Variants in TRAM2 observed in about 807,000 individuals in gnomAD.
TRAM2 encodes translocation associated membrane protein 2.
In TRAM2, 12 loss-of-function variants were observed where a neutral mutation model predicts 51.0. The observed-to-expected ratio is 0.24, with a 90% CI of 0.15 to 0.38. TRAM2 has a LOEUF of 0.38. TRAM2 is among the 10% of genes least tolerant of loss of function. TRAM2 has a pLI of 1.00. For missense variants in TRAM2, 361 were observed against 462.0 expected, an observed-to-expected ratio of 0.78 and a Z score of 2.00; for synonymous variants, 175 against 179.4, an observed-to-expected ratio of 0.98 and a Z score of 0.20.
At chr6:52,566,081 T>C (rs1375624944) in intron 1 of TRAM2, among the ~76,000 whole-genome samples, 1 of 152,240 alleles carries the variant, frequency 6.6e-6, no homozygotes, top group Non-Finnish European at 1.5e-5. Context: ...AAATACCTTT[T>C]TATTATAATA....
Position 52,509,596 on chromosome 6 carries a change from G to A in TRAM2, c.412-10C>T. The A allele has an allele frequency of 1.9e-6, 3 of 1,613,798 alleles. No homozygotes were observed. The highest frequency in any genetic ancestry group is 2.5e-6 in the Non-Finnish European group (3 of 1,179,822). ...TTGTTAAGTATCCTTCCTGCAGTGG[G>A]CAAGAAGAGAGACCATTTAGAGATG... On this transcript the variant is annotated splice_polypyrimidine_tract_variant and intron_variant, in intron 4 of 10. Coordinates refer to ENST00000182527, the MANE Select transcript of TRAM2 (RefSeq NM_012288.4).
chr6:52,528,772 G>T lies in TRAM2; in HGVS notation c.184+7011C>A, dbSNP rs3804492. The stretch of plus-strand genomic sequence containing the variant: ...TCACTGTAAAACAAACCTTTCTCTG[G>T]AAGAGTTCCCTCAACCTTAGCCTTG... On this transcript the variant is annotated intron_variant, in intron 2 of 10. Transcript: ENST00000182527. Among the ~76,000 whole-genome samples the T allele has an allele frequency of 1.9e-3, 289 of 152,182 alleles. 1 individual carries two copies. The highest frequency in any genetic ancestry group is 6.6e-3 in the African/African-American group (273 of 41,514).
At position 52,576,834 on chromosome 6, in the gene TRAM2, A is replaced by C. The variant is rs1234316964; in HGVS notation, c.82T>G (p.Cys28Gly). The C allele has an allele frequency of 3.1e-6, 5 of 1,613,718 alleles. No individual in the cohort carries two copies. Among genetic ancestry groups the C allele is most frequent in the Non-Finnish European group, 4.2e-6 (5 of 1,179,848 alleles). The change falls in exon 1 of 11, where the codon TGC becomes GGC. Residue 28 changes from cysteine (C) to glycine (G), a missense_variant. Cys to Gly is a radical substitution (Grantham distance 159). Transcript: ENST00000182527. ...CCGATGAGGACGCAGAGCACCAGGC[A>C]GAAGCCGATGTCCGCATGGTTGTGG... is the stretch of plus-strand genomic sequence containing the variant. ...VIHNHADIGF[C>G]LVLCVLIGLM...
rs1037503316 is a variant in TRAM2 at position 52,498,136 on chromosome 6, T to C, written c.*5061A>G. On this transcript the variant is annotated 3_prime_UTR_variant, in exon 11 of 11. Transcript: ENST00000182527. The stretch of plus-strand genomic sequence containing the variant: ...CACAAGAATGACAACAAAAGGAAAG[T>C]GGCTATTTCTTGTGTAAGGGATGAC... 2 of 152,462 alleles carry C rather than the reference T, an allele frequency of 1.3e-5. No individual in the cohort carries two copies. Among genetic ancestry groups the C allele is most frequent in the Non-Finnish European group, 2.9e-5 (2 of 68,038 alleles). 9.4% of individuals were successfully genotyped at this position (152,462 alleles called of 1,614,324 possible).
intron 1 of TRAM2, among the ~76,000 whole-genome samples, chr6:52,547,011 G>A (rs1181350570): frequency 2.0e-5 from 3 of 152,202 alleles, no homozygotes; most frequent in Non-Finnish European, 4.4e-5. Context: ...GGTAAATGCT[G>A]CCAAAGCTGG....
chr6:52,570,527 G>T lies in TRAM2; in HGVS notation c.120+6269C>A, dbSNP rs189689289. ...TTATTTTGGCTCCGACTCTAACTTG[G>T]AGTGGATGGTCCTTGGCCAAGTCTG... On this transcript the variant is annotated intron_variant, in intron 1 of 10. Coordinates refer to ENST00000182527, the MANE Select transcript of TRAM2 (RefSeq NM_012288.4). Among the ~76,000 whole-genome samples, 152 of 152,268 alleles carry T rather than the reference G, an allele frequency of 1.0e-3. 1 individual carries two copies. The highest frequency in any genetic ancestry group is 3.3e-3 in the African/African-American group (137 of 41,540).
chr6:52,512,252 C>T (rs1204108354), intron 4 of TRAM2, among the ~76,000 whole-genome samples: 1 of 152,000 alleles, frequency 6.6e-6, no homozygotes, highest in African/African-American at 2.4e-5. Flanking sequence ...TGATTTTAAA[C>T]AGGAACGCTC....
At chr6:52,547,934 A>G (rs1767240001) in intron 1 of TRAM2, among the ~76,000 whole-genome samples, 1 of 152,244 alleles carries the variant, frequency 6.6e-6, no homozygotes, top group Non-Finnish European at 1.5e-5. Context: ...TCCAGATCTG[A>G]CAATGGCCAC....
intron 1 of TRAM2, among the ~76,000 whole-genome samples, chr6:52,553,031 C>T (rs1767338004): frequency 6.6e-6 from 1 of 152,164 alleles, no homozygotes; most frequent in Non-Finnish European, 1.5e-5. Context: ...AGCCTCAAGA[C>T]TCAAAACCCC....
intron 1 of TRAM2, among the ~76,000 whole-genome samples, chr6:52,555,179 C>T (rs563701455): frequency 1.3e-5 from 2 of 152,286 alleles, no homozygotes; most frequent in African/African-American, 4.8e-5. Context: ...ATCCAGGGTG[C>T]GGGCTTCTCT....
At position 52,501,173 on chromosome 6, in the gene TRAM2, G is replaced by C. The variant is rs1450474231; in HGVS notation, c.*2024C>G. ...TGCAGCCCAGAGAAGTGTCAGGGAA[G>C]GAGAGGGAGAAATGGGGGAAATACA... is the stretch of plus-strand genomic sequence containing the variant. On this transcript the variant is annotated 3_prime_UTR_variant, in exon 11 of 11. Transcript: ENST00000182527. 1.3e-5 allele frequency: 2 copies of C among 152,242 alleles called. No individual in the cohort carries two copies. Among genetic ancestry groups the C allele is most frequent in the African/African-American group, 4.8e-5 (2 of 41,448 alleles). 9.4% of individuals were successfully genotyped at this position (152,242 alleles called of 1,614,324 possible). A position where few individuals can be genotyped will look rare whatever the true frequency, so the allele number is the denominator to read the frequency against.
chr6:52,507,743 G>T, intron 6 of TRAM2, 120 bp from the exon 7 acceptor site: 3 of 856,102 alleles, frequency 3.5e-6, no homozygotes, highest in Non-Finnish European at 5.5e-6. Context: ...TTAACACACA[G>T]TCCCATGTCC....
At chr6:52,529,239 A>G (rs980951108) in intron 2 of TRAM2, among the ~76,000 whole-genome samples, 5 of 152,152 alleles carry the variant, frequency 3.3e-5, no homozygotes, top group Non-Finnish European at 7.4e-5. Context: ...CCAGCTGGAA[A>G]CCAACTCCAC....
At chr6:52,555,316 T>C (rs1767386146) in intron 1 of TRAM2, among the ~76,000 whole-genome samples, 1 of 150,640 alleles carries the variant, frequency 6.6e-6, no homozygotes. Flanking sequence ...GCAGCAGGCT[T>C]ATCACTAATC....
chr6:52,505,264 G>A (rs140816467), intron 9 of TRAM2, among the ~76,000 whole-genome samples: 1,593 of 152,342 alleles, frequency 0.01, 18 homozygotes, highest in Non-Finnish European at 0.016. Flanking sequence ...AAGCCATTAA[G>A]CACATGGTTT....
At chr6:52,503,411 A>T in intron 10 of TRAM2, 141 bp from the exon 11 acceptor site, 1 of 732,396 alleles carries the variant, frequency 1.4e-6, no homozygotes. Flanking sequence ...GCCAGGCTGC[A>T]GCCTTGCACA....
chr6:52,507,456 G>T, intron 7 of TRAM2, 97 bp downstream of exon 7: 2 of 1,243,786 alleles, frequency 1.6e-6, no homozygotes, highest in Non-Finnish European at 2.3e-6. Context: ...GGCACACAGA[G>T]GATGTCAACA....
chr6:52,500,517 GGTTTTTTT>G lies in TRAM2; in HGVS notation c.*2672_*2679del, dbSNP rs1321386993. The stretch of plus-strand genomic sequence containing the variant: ...ATGCCAGCCCCACTCATGGTCTCAG[GGTTTTTTT>G]TTGTTTTTTTTTTTTTTTTTACATA... On this transcript the variant is annotated 3_prime_UTR_variant, in exon 11 of 11. Coordinates refer to ENST00000182527, the MANE Select transcript of TRAM2 (RefSeq NM_012288.4). 5 of 103,958 alleles carry G rather than the reference GGTTTTTTT, an allele frequency of 4.8e-5. No individual in the cohort carries two copies. Among genetic ancestry groups the G allele is most frequent in the African/African-American group, 1.1e-4 (3 of 27,970 alleles). 6.4% of individuals were successfully genotyped at this position (103,958 alleles called of 1,614,324 possible). A position where few individuals can be genotyped will look rare whatever the true frequency, so the allele number is the denominator to read the frequency against.
chr6:52,541,330 C>G (rs532822156), intron 1 of TRAM2, among the ~76,000 whole-genome samples: 2,640 of 152,272 alleles, frequency 0.017, 60 homozygotes, highest in African/African-American at 0.061. Flanking sequence ...CACAATGACC[C>G]TACAAGATAG....
Sources: allele counts gnomAD v4.1 joint callset (sites outside exome capture counted in the v4.1 genomes callset), GRCh38; gene constraint gnomAD v4.1.1; transcripts MANE v1.5; gene names NCBI Gene and HGNC (gene_info 2026-07-23, HGNC 2026-07-21).